The following FGF10 variants were observed in gnomAD, a reference collection of about 807,000 sequenced individuals.
FGF10 encodes the protein FGF-10.
In FGF10, 2 loss-of-function variants were observed where a neutral mutation model predicts 19.8. That is an observed-to-expected ratio of 0.10 (90% CI 0.04 to 0.32). FGF10 has a LOEUF of 0.32. Ranked by LOEUF, FGF10 falls within the 10% of genes least tolerant of loss-of-function variation. FGF10 has a pLI of 1.00. For missense variants in FGF10, 191 were observed against 246.3 expected (o/e 0.78, Z 1.50); for synonymous variants, 112 against 94.0 (o/e 1.19, Z -1.10).
At chr5:44,339,436 T>TA (rs536410847) in intron 1 of FGF10, among the ~76,000 whole-genome samples, 2 of 152,144 alleles carry the variant, frequency 1.3e-5, no homozygotes, top group African/African-American at 2.4e-5. Flanking sequence ...CCCCACAAAT[T>TA]AAAAAAACTT....
intron 1 of FGF10, among the ~76,000 whole-genome samples, chr5:44,356,304 C>T (rs1398731760): frequency 1.3e-5 from 2 of 151,276 alleles, no homozygotes; most frequent in African/African-American, 4.8e-5. Context: ...CACTTTGTCC[C>T]CATTGGGTAG....
At chr5:44,308,840 C>G (rs996335621) in intron 2 of FGF10, among the ~76,000 whole-genome samples, 2 of 152,130 alleles carry the variant, frequency 1.3e-5, no homozygotes, top group Admixed American at 6.6e-5. Flanking sequence ...CCAGCAGCAT[C>G]AGGAACACCT....
Position 44,301,674 on chromosome 5 carries a change from T to C in FGF10, c.*3321A>G, listed in dbSNP as rs1739967098. ...CATTTGGTTGTTATTAGAGTAAAGA[T>C]AGCTAACTCACACATGTGAAACATT... is the stretch of plus-strand genomic sequence containing the variant. On this transcript the variant is annotated 3_prime_UTR_variant, in exon 3 of 3. Transcript: ENST00000264664. Among the ~76,000 whole-genome samples, 1 of 152,166 alleles carries C rather than the reference T, an allele frequency of 6.6e-6. No individual in the cohort carries two copies.
Position 44,388,888 on chromosome 5 carries a change from G to C in FGF10, c.-206C>G. Reference sequence around the variant, plus strand: ...CTCCCCTCGCTCCTTTCTCGGATCCGCTGCCTACGCCTCTGGAGCCTCCCG... The same window carrying C: ...CTCCCCTCGCTCCTTTCTCGGATCCCCTGCCTACGCCTCTGGAGCCTCCCG... On this transcript the variant is annotated 5_prime_UTR_variant, in exon 1 of 3. Coordinates refer to ENST00000264664, the MANE Select transcript of FGF10 (RefSeq NM_004465.2). 1.6e-6 allele frequency: 1 copy of C among 638,422 alleles called. No individual in the cohort carries two copies. The highest frequency in any genetic ancestry group is 2.8e-5 in the East Asian group (1 of 35,938). The allele number at this position is 638,422 out of a possible 1,614,324, so 39.5% of individuals were successfully genotyped here. A position where few individuals can be genotyped will look rare whatever the true frequency, so the allele number is the denominator to read the frequency against.
chr5:44,367,487 A>G (rs1001228139), intron 1 of FGF10, among the ~76,000 whole-genome samples: 1 of 152,044 alleles, frequency 6.6e-6, no homozygotes, highest in African/African-American at 2.4e-5. Context: ...AGGGCACAAT[A>G]GCTTAGTGAT....
chr5:44,372,965 T>C (rs1403500273), intron 1 of FGF10, among the ~76,000 whole-genome samples: 9 of 152,222 alleles, frequency 5.9e-5, no homozygotes, highest in African/African-American at 2.2e-4. Flanking sequence ...GCACTCATGG[T>C]GATCCTTTTT....
Position 44,389,012 on chromosome 5 carries a change from TCTCTTCTTTAC to T in FGF10, c.-341_-331del. 2.2e-6 allele frequency: 1 copy of T among 460,772 alleles called. No individual in the cohort carries two copies. Among genetic ancestry groups the T allele is most frequent in the Non-Finnish European group, 4.0e-6 (1 of 248,722 alleles). The allele number at this position is 460,772 out of a possible 1,614,324, so 28.5% of individuals were successfully genotyped here. ...TTCGCTCCCCCAGGAGTTACTTTGT[TCTCTTCTTTAC>T]TCCTTTCTTCACCATGTTAGATGCC... On this transcript the variant is annotated 5_prime_UTR_variant, in exon 1 of 3. An upstream open reading frame in the 5' UTR loses its in-frame stop. Coordinates refer to ENST00000264664, the MANE Select transcript of FGF10 (RefSeq NM_004465.2).
chr5:44,337,073 C>G (rs978135982), intron 1 of FGF10, among the ~76,000 whole-genome samples: 1 of 152,094 alleles, frequency 6.6e-6, no homozygotes, highest in Admixed American at 6.6e-5. Context: ...ACTATTATAA[C>G]AAATTTTAAT....
At chr5:44,314,508 C>T (rs1403835770) in intron 1 of FGF10, among the ~76,000 whole-genome samples, 4 of 152,004 alleles carry the variant, frequency 2.6e-5, no homozygotes, top group Non-Finnish European at 5.9e-5. Flanking sequence ...TATTACTTTG[C>T]GAATGTTCCC....
intron 1 of FGF10, among the ~76,000 whole-genome samples, chr5:44,349,452 AT>A (rs1263332182): frequency 1.8e-4 from 2 of 11,370 alleles, no homozygotes; most frequent in South Asian, 3.6e-3. Flanking sequence ...ATATATATAT[AT>A]ATATATATAT....
At chr5:44,325,643 C>A (rs190211700) in intron 1 of FGF10, among the ~76,000 whole-genome samples, 1,754 of 150,662 alleles carry the variant, frequency 0.012, 36 homozygotes, top group African/African-American at 0.04. Context: ...GGACAAAAAA[C>A]CAAACACTGC....
At chr5:44,307,177 A>G (rs540977006) in intron 2 of FGF10, among the ~76,000 whole-genome samples, 1 of 152,338 alleles carries the variant, frequency 6.6e-6, no homozygotes, top group South Asian at 2.1e-4. Context: ...GTGCACATGT[A>G]TCAGCCTTTT....
chr5:44,356,468 G>A (rs1741349602), intron 1 of FGF10, among the ~76,000 whole-genome samples: 1 of 151,356 alleles, frequency 6.6e-6, no homozygotes, highest in African/African-American at 2.4e-5. Flanking sequence ...GAAAACACTA[G>A]ACAACATTTG....
At chr5:44,376,045 G>A (rs937546192) in intron 1 of FGF10, among the ~76,000 whole-genome samples, 2 of 152,010 alleles carry the variant, frequency 1.3e-5, no homozygotes, top group Non-Finnish European at 2.9e-5. Flanking sequence ...GGAATAATTA[G>A]TAACAACACA....
intron 1 of FGF10, among the ~76,000 whole-genome samples, chr5:44,382,232 T>C (rs184675268): frequency 6.6e-6 from 1 of 152,274 alleles, no homozygotes; most frequent in East Asian, 1.9e-4. Flanking sequence ...TCTTCTTTGA[T>C]GTATTGTGCC....
chr5:44,357,184 A>C (rs908296744), intron 1 of FGF10, among the ~76,000 whole-genome samples: 4 of 151,456 alleles, frequency 2.6e-5, no homozygotes, highest in African/African-American at 4.8e-5. Context: ...AGCAACAACA[A>C]AACCCTAAAG....
chr5:44,375,594 T>G (rs1741834967), intron 1 of FGF10, among the ~76,000 whole-genome samples: 1 of 152,174 alleles, frequency 6.6e-6, no homozygotes, highest in Non-Finnish European at 1.5e-5. Context: ...ATATAGAGAT[T>G]ACATGATATT....
chr5:44,312,332 T>C (rs1304931172), intron 1 of FGF10, among the ~76,000 whole-genome samples: 1 of 152,014 alleles, frequency 6.6e-6, no homozygotes. Context: ...TTAGGTTATT[T>C]AACTCACACA....
chr5:44,377,926 G>T (rs550830154), intron 1 of FGF10, among the ~76,000 whole-genome samples: 1 of 152,180 alleles, frequency 6.6e-6, no homozygotes, highest in South Asian at 2.1e-4. Context: ...TATCTTAGCC[G>T]TTGATGTAGG....
Sources: gnomAD v4.1 joint callset for allele counts (sites outside exome capture counted in the v4.1 genomes callset) on GRCh38, gnomAD v4.1.1 for gene constraint, MANE v1.5 for transcripts, NCBI Gene and HGNC (gene_info 2026-07-23, HGNC 2026-07-21) for gene names.